STON2: variants seen among roughly 807,000 people sequenced by gnomAD.
The protein encoded by STON2 is stonin 2, also known as stonin-2.
A neutral mutation model predicts 65.7 loss-of-function variants in STON2; 29 were observed. The observed-to-expected ratio is 0.44, with a 90% confidence interval of 0.33 to 0.60. The LOEUF is 0.60. Ranked by LOEUF, STON2 falls within the 20% of genes least tolerant of loss-of-function variation. STON2 has a pLI of 0.03. For synonymous variants in STON2, 404 were observed against 414.2 expected (o/e 0.98, Z 0.30); for missense variants, 1,054 against 1,118.1 (o/e 0.94, Z 0.82).
intron 4 of STON2, among the ~76,000 whole-genome samples, chr14:81,365,554 G>A (rs1033246944): frequency 4.6e-5 from 7 of 152,020 alleles, no homozygotes; most frequent in South Asian, 2.1e-4. Context: ...TTAGGAGTTC[G>A]AGACCAAACT....
chr14:81,337,776 G>GT (rs1164022083), intron 4 of STON2, among the ~76,000 whole-genome samples: 1 of 152,142 alleles, frequency 6.6e-6, no homozygotes, highest in Admixed American at 6.5e-5. Flanking sequence ...GGGAGTCACT[G>GT]TATGTATGGG....
At chr14:81,403,703 A>C (rs1204693410), upstream of STON2, among the ~76,000 whole-genome samples, 1 of 152,154 alleles carries the variant, frequency 6.6e-6, no homozygotes, top group Non-Finnish European at 1.5e-5. Flanking sequence ...TTTCCAAGCC[A>C]CGTTTGAGAG....
rs1894364442 is a variant in STON2 at position 81,266,551 on chromosome 14, T to C, written c.*1863A>G. 4 of 528,570 alleles carry C rather than the reference T, an allele frequency of 7.6e-6. No individual in the cohort carries two copies. The highest frequency in any genetic ancestry group is 1.6e-4 in the South Asian group (2 of 12,274). The allele number at this position is 528,570 out of a possible 1,614,324, so 32.7% of individuals were successfully genotyped here. A position where few individuals can be genotyped will look rare whatever the true frequency, so the allele number is the denominator to read the frequency against. On this transcript the variant is annotated 3_prime_UTR_variant, in exon 8 of 8. Transcript: ENST00000614646. ...CTTTACAACCCTGGTCACCTCCCTA[T>C]GGACACAATCAACTTATTAATGTCT...
At chr14:81,356,884 T>C (rs1898260112) in intron 4 of STON2, among the ~76,000 whole-genome samples, 2 of 152,180 alleles carry the variant, frequency 1.3e-5, no homozygotes, top group Admixed American at 6.5e-5. Context: ...TTGCATCTAT[T>C]TGATTCTTCT....
chr14:81,285,286 C>T (rs991601645), intron 5 of STON2, among the ~76,000 whole-genome samples: 7 of 152,198 alleles, frequency 4.6e-5, no homozygotes, highest in Non-Finnish European at 1.0e-4. Flanking sequence ...CCATTACAAA[C>T]ATCTGTGATT....
Position 81,261,734 on chromosome 14 carries a change from C to T in STON2, c.*6680G>A. 6.9e-7 allele frequency: 1 copy of T among 1,451,940 alleles called. No individual in the cohort carries two copies. The highest frequency in any genetic ancestry group is 9.0e-7 in the Non-Finnish European group (1 of 1,108,276). 89.9% of individuals were successfully genotyped at this position (1,451,940 alleles called of 1,614,324 possible). On this transcript the variant is annotated 3_prime_UTR_variant, in exon 8 of 8. Transcript: ENST00000614646. ...AGACCTACTTCTGTGTCAGGTAGCA[C>T]CCAAATCCTAACATCTATTTTGGAG...
chr14:81,418,705 A>C (rs1207836334), intron 2 of STON2, among the ~76,000 whole-genome samples: 1 of 152,160 alleles, frequency 6.6e-6, no homozygotes, highest in Non-Finnish European at 1.5e-5. Flanking sequence ...TTCTGCCACA[A>C]ATTCTCTGAA....
chr14:81,282,592 C>G (rs189941765), intron 5 of STON2, among the ~76,000 whole-genome samples: 2 of 152,196 alleles, frequency 1.3e-5, no homozygotes, highest in Non-Finnish European at 1.5e-5. Context: ...ATATAATAAT[C>G]TCGTAATATT....
intron 7 of STON2, 99 bp from the exon 8 acceptor site, chr14:81,268,596 T>C (rs1245947843): frequency 1.6e-6 from 2 of 1,262,704 alleles, no homozygotes; most frequent in Non-Finnish European, 2.0e-6. Context: ...TGAAATTTCT[T>C]ATAATTTTGC....
At chr14:81,364,275 G>A (rs150725529) in intron 4 of STON2, among the ~76,000 whole-genome samples, 1 of 152,074 alleles carries the variant, frequency 6.6e-6, no homozygotes, top group Admixed American at 6.6e-5. Context: ...AGCCTATGAG[G>A]GTTTAAATAC....
Position 81,300,158 on chromosome 14 carries a change from C to A in STON2, c.743-21419G>T, listed in dbSNP as rs996553633. On this transcript the variant is annotated intron_variant, in intron 5 of 7. Coordinates refer to ENST00000614646, the MANE Select transcript of STON2 (RefSeq NM_001394390.1). The stretch of plus-strand genomic sequence containing the variant: ...AAGTGGACCCACGCATGTAAAGTCA[C>A]TTGAGTTTGGGCAAAGATGCCATGG... Among the ~76,000 whole-genome samples the A allele has an allele frequency of 2.6e-5, 4 of 151,948 alleles. 1 individual carries two copies. The highest frequency in any genetic ancestry group is 9.7e-5 in the African/African-American group (4 of 41,380).
intron 4 of STON2, among the ~76,000 whole-genome samples, chr14:81,369,066 TC>T (rs1898869241): frequency 6.6e-6 from 1 of 152,172 alleles, no homozygotes; most frequent in Non-Finnish European, 1.5e-5. Flanking sequence ...AATTTATTCC[TC>T]CCTATCTCCC....
intron 4 of STON2, among the ~76,000 whole-genome samples, chr14:81,358,829 C>A (rs1014123436): frequency 6.6e-6 from 1 of 152,122 alleles, no homozygotes; most frequent in Admixed American, 6.5e-5. Context: ...GTCAATTCAT[C>A]AAGAGAATAC....
chr14:81,292,323 T>C (rs1272659356), intron 5 of STON2, among the ~76,000 whole-genome samples: 1 of 152,196 alleles, frequency 6.6e-6, no homozygotes, highest in African/African-American at 2.4e-5. Flanking sequence ...CCAATAAATA[T>C]GCAGCAATGA....
chr14:81,378,948 C>G (rs1045984226), intron 3 of STON2, among the ~76,000 whole-genome samples: 1 of 141,974 alleles, frequency 7.0e-6, no homozygotes, highest in African/African-American at 3.1e-5. Flanking sequence ...GAAATACCCC[C>G]CAAAGCTTAA....
intron 1 of STON2, chr14:81,436,263 G>A (rs1333253442): frequency 1.3e-5 from 2 of 151,570 alleles, no homozygotes; most frequent in East Asian, 3.9e-4. Flanking sequence ...CGCTCCACCT[G>A]CGGGGCCCCT....
In STON2 at chr14:81,303,514, C is replaced by T. The variant is rs182636672; in HGVS notation, c.742+20503G>A. Among the ~76,000 whole-genome samples the T allele has an allele frequency of 1.6e-3, 237 of 152,294 alleles. 5 individuals are homozygous for T. The highest frequency in any genetic ancestry group is 2.1e-3 in the Admixed American group (32 of 15,304). The stretch of plus-strand genomic sequence containing the variant: ...GTCATTGCGCCACCACAGTGACACA[C>T]TGAAACAGGTTCCATTCACAACATC... On this transcript the variant is annotated intron_variant, in intron 5 of 7. Coordinates refer to ENST00000614646, the MANE Select transcript of STON2 (RefSeq NM_001394390.1).
rs1894174977 is a variant in STON2, at chr14:81,262,139, C to T, written c.*6275G>A. The T allele has an allele frequency of 2.0e-6, 2 of 985,212 alleles. No individual in the cohort carries two copies. Among genetic ancestry groups the T allele is most frequent in the Admixed American group, 1.2e-4 (2 of 16,276 alleles). The allele number at this position is 985,212 out of a possible 1,614,324, so 61.0% of individuals were successfully genotyped here. A position where few individuals can be genotyped will look rare whatever the true frequency, so the allele number is the denominator to read the frequency against. On this transcript the variant is annotated 3_prime_UTR_variant, in exon 8 of 8. Transcript: ENST00000614646. The stretch of plus-strand genomic sequence containing the variant: ...GGACTTGAAGAAACAATTAATCCAA[C>T]TTCCTCACTTTTTTGTCTCAGGAAA...
At chr14:81,316,986 C>T (rs986421463) in intron 5 of STON2, among the ~76,000 whole-genome samples, 5 of 152,104 alleles carry the variant, frequency 3.3e-5, no homozygotes, top group Admixed American at 3.3e-4. Context: ...CACCACTGCA[C>T]TCCAGCCTGG....
Sources: gnomAD v4.1 joint callset for allele counts (sites outside exome capture counted in the v4.1 genomes callset) on GRCh38, gnomAD v4.1.1 for gene constraint, MANE v1.5 for transcripts, NCBI Gene and HGNC (gene_info 2026-07-23, HGNC 2026-07-21) for gene names.